CLTCL1: variants seen among roughly 807,000 people sequenced by gnomAD.
CLTCL1 encodes clathrin heavy chain like 1, also known as clathrin heavy chain 2.
A neutral mutation model predicts 190.0 loss-of-function variants in CLTCL1; 159 were observed. That is an observed-to-expected ratio of 0.84 (90% CI 0.74 to 0.95). The LOEUF is 0.95. Ranked by LOEUF, CLTCL1 falls within the 40% of genes least tolerant of loss-of-function variation. The pLI is 0.00. For synonymous variants in CLTCL1, 752 were observed against 769.6 expected, an observed-to-expected ratio of 0.98 and a Z score of 0.38; for missense variants, 1,878 against 2,033.4, an observed-to-expected ratio of 0.92 and a Z score of 1.47.
intron 1 of CLTCL1, among the ~76,000 whole-genome samples, chr22:19,280,735 C>G (rs1159434393): frequency 6.7e-6 from 1 of 150,024 alleles, no homozygotes; most frequent in Admixed American, 6.7e-5. Flanking sequence ...AGGAGAATCA[C>G]CTGAACCCAG....
At chr22:19,206,730 C>A (rs745923914) in intron 22 of CLTCL1, among the ~76,000 whole-genome samples, 2 of 152,150 alleles carry the variant, frequency 1.3e-5, no homozygotes, top group African/African-American at 4.8e-5. Flanking sequence ...AGCCACTGTG[C>A]CCGGCCCACT....
At chr22:19,233,397 G>T (rs571273767) in intron 8 of CLTCL1, 25 bp downstream of exon 8, 15 of 1,613,166 alleles carry the variant, frequency 9.3e-6, no homozygotes, top group African/African-American at 1.3e-5. Flanking sequence ...GTGCGGGGGG[G>T]CTACGAGCTC....
chr22:19,276,058 C>T (rs2087494285), intron 1 of CLTCL1, among the ~76,000 whole-genome samples: 1 of 152,022 alleles, frequency 6.6e-6, no homozygotes, highest in African/African-American at 2.4e-5. Context: ...AAGACATGTG[C>T]AGGATGACAC....
At chr22:19,276,883 A>AGGAT (rs2087531602) in intron 1 of CLTCL1, among the ~76,000 whole-genome samples, 1 of 152,046 alleles carries the variant, frequency 6.6e-6, no homozygotes, top group East Asian at 1.9e-4. Flanking sequence ...CGTGTTAGCC[A>AGGAT]GGATGGTCTC....
In CLTCL1 at chr22:19,219,885, C is replaced by T; in HGVS notation, c.2919G>A (p.Gln973=). The T allele has an allele frequency of 6.2e-7, 1 of 1,614,052 alleles. No homozygotes were observed. Residue 973 remains glutamine, a splice_region_variant and synonymous_variant, in exon 18 of 33, where the codon CAG becomes CAA. Coordinates refer to ENST00000427926, the MANE Select transcript of CLTCL1 (RefSeq NM_007098.4). The part of the protein sequence containing the change: ...TNPSRRQLID[Q]VVQTALSETR... ...AGACATACCCATCTCTGTGCCTCAC[C>T]TGGTCAATTAGCTGTCTCCTGGATG... is the stretch of plus-strand genomic sequence containing the variant.
At chr22:19,249,373 A>G (rs1445409276) in intron 3 of CLTCL1, among the ~76,000 whole-genome samples, 2 of 152,110 alleles carry the variant, frequency 1.3e-5, no homozygotes, top group Non-Finnish European at 2.9e-5. Flanking sequence ...AATAAAAAAA[A>G]TTAAAATTAA....
At chr22:19,284,867 A>C (rs1374462815) in intron 1 of CLTCL1, among the ~76,000 whole-genome samples, 1 of 152,184 alleles carries the variant, frequency 6.6e-6, no homozygotes, top group Non-Finnish European at 1.5e-5. Flanking sequence ...AGCCAGGAGA[A>C]TCGCTTGAAC....
At chr22:19,241,922 G>A (rs1442452771) in intron 4 of CLTCL1, among the ~76,000 whole-genome samples, 1 of 150,768 alleles carries the variant, frequency 6.6e-6, no homozygotes, top group Non-Finnish European at 1.5e-5. Context: ...CCCAAGAGCA[G>A]AAACTGTGCC....
At chr22:19,229,813 C>A in intron 11 of CLTCL1, 25 bp downstream of exon 11, 2 of 1,576,782 alleles carry the variant, frequency 1.3e-6, no homozygotes, top group South Asian at 1.2e-5. Context: ...CTCTGCCTCT[C>A]GGTGTTAGCC....
At chr22:19,233,347 T>A in intron 8 of CLTCL1, 29 bp from the exon 9 acceptor site, 1 of 1,610,472 alleles carries the variant, frequency 6.2e-7, no homozygotes, top group Non-Finnish European at 8.5e-7. Context: ...CAAGGCAAAG[T>A]TAGGAGGCAG....
intron 10 of CLTCL1, among the ~76,000 whole-genome samples, chr22:19,231,574 T>C (rs2085919488): frequency 6.6e-6 from 1 of 152,210 alleles, no homozygotes; most frequent in Admixed American, 6.5e-5. Context: ...AAAATGCAAA[T>C]ATTTACTTAG....
In CLTCL1 at chr22:19,196,692, T is replaced by C. The variant is rs781997026; in HGVS notation, c.3874-36A>G. ...AACAGCCACGCGTGGGGCAGAGTGATTGCATGCCTCCTGCAGCCACCCTCC... is the reference window on the plus strand; with the variant it reads ...AACAGCCACGCGTGGGGCAGAGTGACTGCATGCCTCCTGCAGCCACCCTCC... On this transcript the variant is annotated intron_variant, in intron 24 of 32. Transcript: ENST00000427926. The C allele has an allele frequency of 3.1e-5, 50 of 1,588,868 alleles. 1 individual carries two copies. The highest frequency in any genetic ancestry group is 1.0e-4 in the South Asian group (9 of 88,322).
Position 19,242,665 on chromosome 22 carries a change from A to T in CLTCL1, c.681+110T>A. 5.8e-6 allele frequency: 7 copies of T among 1,197,446 alleles called. No homozygotes were observed. The South Asian group carries it at 9.4e-5, about 16-fold the overall frequency. 74.2% of individuals were successfully genotyped at this position (1,197,446 alleles called of 1,614,324 possible). On this transcript the variant is annotated intron_variant, in intron 4 of 32. Coordinates refer to ENST00000427926, the MANE Select transcript of CLTCL1 (RefSeq NM_007098.4). ...TGCACAGTTCTCAACACCACCATGAACCTTTCCTCACACAGACATCTGCAG... is the reference window on the plus strand; with the variant it reads ...TGCACAGTTCTCAACACCACCATGATCCTTTCCTCACACAGACATCTGCAG...
Position 19,216,286 on chromosome 22 carries a change from G to C in CLTCL1, c.2920-30C>G, listed in dbSNP as rs1555949468. 1.1e-5 allele frequency: 17 copies of C among 1,609,866 alleles called. 1 individual carries two copies. In the South Asian group the frequency reaches 1.7e-4, roughly 16 times the overall value. On this transcript the variant is annotated intron_variant, in intron 18 of 32. Coordinates refer to ENST00000427926, the MANE Select transcript of CLTCL1 (RefSeq NM_007098.4). Reference sequence around the variant, plus strand: ...TTTTAAAAAGCATTTGAAAGAACTTGATTAAAGTCAATTCAAGACTGTATC... The same window carrying C: ...TTTTAAAAAGCATTTGAAAGAACTTCATTAAAGTCAATTCAAGACTGTATC...
In CLTCL1 at chr22:19,270,789, C is replaced by T. The variant is rs376011337; in HGVS notation, c.250+4834G>A. ...GTATGTAAATTATACTTGAAAAAAG[C>T]AGACAAAGAAAGATATAAAAAAAAA... is the stretch of plus-strand genomic sequence containing the variant. On this transcript the variant is annotated intron_variant, in intron 2 of 32. Coordinates refer to ENST00000427926, the MANE Select transcript of CLTCL1 (RefSeq NM_007098.4). Among the ~76,000 whole-genome samples, 8 of 143,286 alleles carry T rather than the reference C, an allele frequency of 5.6e-5. No individual in the cohort carries two copies. In the East Asian group the frequency reaches 1.6e-3, roughly 29 times the overall value. 94.0% of individuals were successfully genotyped at this position (143,286 alleles called of 152,430 possible).
intron 18 of CLTCL1, among the ~76,000 whole-genome samples, chr22:19,218,866 C>T (rs2085474767): frequency 6.6e-6 from 1 of 152,214 alleles, no homozygotes; most frequent in South Asian, 2.1e-4. Flanking sequence ...GCCCAGTCTC[C>T]AAGGAGGTGC....
At chr22:19,287,325 A>G (rs1292973754) in intron 1 of CLTCL1, among the ~76,000 whole-genome samples, 2 of 152,188 alleles carry the variant, frequency 1.3e-5, no homozygotes, top group African/African-American at 4.8e-5. Context: ...TAACTGACAA[A>G]TCAGGGAGAG....
At chr22:19,217,708 C>T (rs1344548849) in intron 18 of CLTCL1, among the ~76,000 whole-genome samples, 6 of 149,438 alleles carry the variant, frequency 4.0e-5, no homozygotes, top group South Asian at 2.1e-4. Flanking sequence ...ATTAGCCAGG[C>T]GTGGCGGCAG....
At chr22:19,187,933 G>T in intron 28 of CLTCL1, 48 bp downstream of exon 28, 1 of 1,560,878 alleles carries the variant, frequency 6.4e-7, no homozygotes, top group South Asian at 1.1e-5. Context: ...GCAGTTGCAG[G>T]GGAGGAGCCC....
Sources: allele counts gnomAD v4.1 joint callset (sites outside exome capture counted in the v4.1 genomes callset), GRCh38; gene constraint gnomAD v4.1.1; transcripts MANE v1.5; gene names NCBI Gene and HGNC (gene_info 2026-07-23, HGNC 2026-07-21).